ATXN1: variants seen among roughly 807,000 people sequenced by gnomAD.
The protein encoded by ATXN1 is ataxin 1.
A neutral mutation model predicts 56.4 loss-of-function variants in ATXN1; 8 were observed. The ratio of observed to expected loss-of-function variants is 0.14; its 90% CI spans 0.08 to 0.26. The LOEUF is 0.26. Ranked by LOEUF, ATXN1 falls within the 10% of genes least tolerant of loss-of-function variation. The pLI, the probability that ATXN1 is intolerant of heterozygous loss-of-function variation, is 1.00. For synonymous variants in ATXN1, 514 were observed against 494.6 expected, an observed-to-expected ratio of 1.04 and a Z score of -0.52; for missense variants, 987 against 1,106.5, an observed-to-expected ratio of 0.89 and a Z score of 1.53.
At chr6:16,566,921 T>C (rs1450576457) in intron 4 of ATXN1, among the ~76,000 whole-genome samples, 1 of 151,994 alleles carries the variant, frequency 6.6e-6, no homozygotes, top group East Asian at 1.9e-4. Context: ...CTGTGTTGCC[T>C]AGGCTAGTCT....
chr6:16,371,815 G>A (rs938814200), intron 6 of ATXN1, among the ~76,000 whole-genome samples: 1 of 151,974 alleles, frequency 6.6e-6, no homozygotes, highest in African/African-American at 2.4e-5. Flanking sequence ...CTGGGCTCAA[G>A]TGATCCTCCT....
chr6:16,628,102 T>A (rs534381720), intron 3 of ATXN1, among the ~76,000 whole-genome samples: 2 of 152,266 alleles, frequency 1.3e-5, no homozygotes, highest in East Asian at 1.9e-4. Flanking sequence ...CAGACACCAA[T>A]CCTTGGTACA....
intron 7 of ATXN1, among the ~76,000 whole-genome samples, chr6:16,311,825 A>G (rs2113381868): frequency 6.6e-6 from 1 of 152,162 alleles, no homozygotes. Context: ...TAAAAATAAA[A>G]CTCTCAGGTG....
At chr6:16,510,769 C>T (rs566132585) in intron 5 of ATXN1, among the ~76,000 whole-genome samples, 12 of 152,146 alleles carry the variant, frequency 7.9e-5, no homozygotes, top group Admixed American at 2.0e-4. Flanking sequence ...AATAAAAATA[C>T]AGTAAAGGTA....
chr6:16,409,814 T>G (rs972135937), intron 6 of ATXN1, among the ~76,000 whole-genome samples: 2 of 152,138 alleles, frequency 1.3e-5, no homozygotes, highest in Non-Finnish European at 2.9e-5. Context: ...TGTCTTGGTT[T>G]GCGGCTTTTA....
chr6:16,746,576 T>C (rs1278553506), intron 2 of ATXN1, among the ~76,000 whole-genome samples: 2 of 152,244 alleles, frequency 1.3e-5, no homozygotes, highest in East Asian at 3.8e-4. Context: ...TGAAAGATTC[T>C]TTCCAGTTAT....
intron 6 of ATXN1, among the ~76,000 whole-genome samples, chr6:16,348,458 G>A (rs1176676001): frequency 6.6e-6 from 1 of 152,092 alleles, no homozygotes; most frequent in East Asian, 1.9e-4. Flanking sequence ...AGCACTTTCA[G>A]AGGCCGAGGG....
chr6:16,503,265 C>A (rs1442293130), intron 5 of ATXN1, among the ~76,000 whole-genome samples: 3 of 152,310 alleles, frequency 2.0e-5, no homozygotes, highest in Middle Eastern at 3.4e-3. Context: ...ACTGAGAAAT[C>A]CTCAGGCTAC....
chr6:16,329,430 A>G (rs1005529826), intron 6 of ATXN1, among the ~76,000 whole-genome samples: 5 of 152,082 alleles, frequency 3.3e-5, no homozygotes, highest in African/African-American at 1.2e-4. Context: ...ACACACGCCA[A>G]CTCAGCAGAG....
chr6:16,755,190 T>C (rs1760850420), intron 1 of ATXN1, among the ~76,000 whole-genome samples: 1 of 152,250 alleles, frequency 6.6e-6, no homozygotes, highest in Non-Finnish European at 1.5e-5. Context: ...CATAGAAGAT[T>C]ACTTTACTCT....
At chr6:16,394,347 T>C (rs549741949) in intron 6 of ATXN1, among the ~76,000 whole-genome samples, 6 of 152,234 alleles carry the variant, frequency 3.9e-5, no homozygotes, top group African/African-American at 1.4e-4. Context: ...GCCAGAAAAA[T>C]AAATAAATAA....
At chr6:16,467,426 G>A (rs1490345965) in intron 6 of ATXN1, among the ~76,000 whole-genome samples, 1 of 152,204 alleles carries the variant, frequency 6.6e-6, no homozygotes, top group Non-Finnish European at 1.5e-5. Context: ...CCAGTGTCAG[G>A]TTTTACTGTT....
chr6:16,425,087 T>C (rs1436915701), intron 6 of ATXN1, among the ~76,000 whole-genome samples: 1 of 152,238 alleles, frequency 6.6e-6, no homozygotes. Flanking sequence ...CTTTTTTCCC[T>C]CTAAAATGCT....
chr6:16,551,903 T>G (rs1426630642), intron 4 of ATXN1, among the ~76,000 whole-genome samples: 2 of 152,182 alleles, frequency 1.3e-5, no homozygotes, highest in Non-Finnish European at 2.9e-5. Flanking sequence ...AAAGTCATAT[T>G]CAAGAGGAAG....
intron 3 of ATXN1, among the ~76,000 whole-genome samples, chr6:16,634,477 T>G (rs982620009): frequency 3.7e-4 from 57 of 152,300 alleles, no homozygotes; most frequent in African/African-American, 1.3e-3. Context: ...AACTCAAATG[T>G]TTTTTAGTAT....
intron 6 of ATXN1, among the ~76,000 whole-genome samples, chr6:16,420,870 T>G (rs988773480): frequency 6.6e-6 from 1 of 152,202 alleles, no homozygotes; most frequent in African/African-American, 2.4e-5. Context: ...GTATTTTAAT[T>G]AAAGACTTAA....
At chr6:16,313,800 G>C (rs180002) in intron 7 of ATXN1, among the ~76,000 whole-genome samples, 1 of 151,924 alleles carries the variant, frequency 6.6e-6, no homozygotes, top group African/African-American at 2.4e-5. Context: ...GATCTCAGGC[G>C]ATCTGCCCGC....
At chr6:16,672,284 T>C (rs1164735252) in intron 2 of ATXN1, among the ~76,000 whole-genome samples, 5 of 152,214 alleles carry the variant, frequency 3.3e-5, no homozygotes, top group Non-Finnish European at 1.5e-5. Context: ...TGTGTCATAC[T>C]GCATTAAAAG....
chr6:16,668,471 T>C (rs1758477430), intron 2 of ATXN1, among the ~76,000 whole-genome samples: 1 of 151,994 alleles, frequency 6.6e-6, no homozygotes, highest in African/African-American at 2.4e-5. Context: ...AGTCAAGATA[T>C]TAGCCATGTA....
Sources: gnomAD v4.1 joint callset for allele counts (sites outside exome capture counted in the v4.1 genomes callset) on GRCh38, gnomAD v4.1.1 for gene constraint, MANE v1.5 for transcripts, NCBI Gene and HGNC (gene_info 2026-07-23, HGNC 2026-07-21) for gene names.